The following CLDN11 variants were observed in gnomAD, a reference collection of about 807,000 sequenced individuals.
CLDN11 encodes the protein claudin 11.
A neutral mutation model predicts 18.0 loss-of-function variants in CLDN11; 1 was observed. The observed-to-expected ratio is 0.06, with a 90% CI of 0.02 to 0.26. CLDN11 has a LOEUF of 0.26. CLDN11 is among the 10% of genes least tolerant of loss of function. The probability of loss-of-function intolerance (pLI) is 1.00; values close to 1 mark genes in which losing one functional copy is unlikely to be tolerated. For missense variants in CLDN11, 172 were observed against 276.6 expected (o/e 0.62, Z 2.68); for synonymous variants, 116 against 121.5 (o/e 0.96, Z 0.30).
In CLDN11 at chr3:170,425,509, G is replaced by T. The variant is rs1159782933; in HGVS notation, c.391+2182G>T. ...AGGGATATTGAAGGAAAAAGCAACC[G>T]GTGGTTTGAAACTTCCTAGCTGAAT... On this transcript the variant is annotated intron_variant, in intron 2 of 2. Coordinates refer to ENST00000064724, the MANE Select transcript of CLDN11 (RefSeq NM_005602.6). 3.3e-5 allele frequency among the ~76,000 whole-genome samples: 5 copies of T among 152,334 alleles called. No homozygotes were observed. In the East Asian group the frequency reaches 7.7e-4, roughly 24 times the overall value.
At chr3:170,430,600 A>G (rs1011325711) in intron 2 of CLDN11, among the ~76,000 whole-genome samples, 4 of 151,676 alleles carry the variant, frequency 2.6e-5, no homozygotes, top group African/African-American at 9.7e-5. Flanking sequence ...GTGCAGTGGC[A>G]AGATCTCCGC....
chr3:170,424,617 T>A (rs1738803577), intron 2 of CLDN11, among the ~76,000 whole-genome samples: 1 of 152,230 alleles, frequency 6.6e-6, no homozygotes, highest in Admixed American at 6.5e-5. Flanking sequence ...GAACAACTCT[T>A]GTTGCAAAGT....
intron 1 of CLDN11, among the ~76,000 whole-genome samples, chr3:170,420,831 A>AG (rs1738707447): frequency 6.6e-6 from 1 of 152,146 alleles, no homozygotes; most frequent in South Asian, 2.1e-4. Context: ...AATCTGGGTG[A>AG]GGGGGGACAA....
chr3:170,433,002 A>G lies in CLDN11; in HGVS notation c.*246A>G, dbSNP rs1739040622. 2 of 414,470 alleles carry G rather than the reference A, an allele frequency of 4.8e-6. No individual in the cohort carries two copies. Among genetic ancestry groups the G allele is most frequent in the African/African-American group, 4.1e-5 (2 of 49,184 alleles). The allele number at this position is 414,470 out of a possible 1,614,324, so 25.7% of individuals were successfully genotyped here. A position where few individuals can be genotyped will look rare whatever the true frequency, so the allele number is the denominator to read the frequency against. ...TTTTTCCCTTGGTGTTGCCCCTATT[A>G]GCTCTTTTCTTGGGCATTCTTTTGC... is the stretch of plus-strand genomic sequence containing the variant. On this transcript the variant is annotated 3_prime_UTR_variant, in exon 3 of 3. Coordinates refer to ENST00000064724, the MANE Select transcript of CLDN11 (RefSeq NM_005602.6).
At position 170,419,998 on chromosome 3, in the gene CLDN11, C is replaced by A. The variant is rs1249273263; in HGVS notation, c.226+706C>A. Among the ~76,000 whole-genome samples, 4 of 152,250 alleles carry A rather than the reference C, an allele frequency of 2.6e-5. No homozygotes were observed. Among genetic ancestry groups the A allele is most frequent in the East Asian group, 1.9e-4 (1 of 5,190 alleles). On this transcript the variant is annotated intron_variant, in intron 1 of 2. Coordinates refer to ENST00000064724, the MANE Select transcript of CLDN11 (RefSeq NM_005602.6). The surrounding 1 kb of genome is among the most constrained non-coding windows in gnomAD (Gnocchi z 8.6). ...TGACGCCGGCTCCCGCTCCGCGCCG[C>A]TGGGTTGGATAGGGACGAGCGGGCG... is the stretch of plus-strand genomic sequence containing the variant.
chr3:170,429,815 T>C (rs1015553017), intron 2 of CLDN11, among the ~76,000 whole-genome samples: 1 of 152,212 alleles, frequency 6.6e-6, no homozygotes, highest in Non-Finnish European at 1.5e-5. Context: ...AGGTTAACAA[T>C]AGATGTGGGG....
rs11322219 is a variant in CLDN11 at position 170,433,130 on chromosome 3, C to CTTTTTTTTT, written c.*396_*404dup. 1 of 64,058 alleles carries CTTTTTTTTT rather than the reference C, an allele frequency of 1.6e-5. No homozygotes were observed. Among genetic ancestry groups the CTTTTTTTTT allele is most frequent in the African/African-American group, 6.6e-5 (1 of 15,048 alleles). 4.0% of individuals were successfully genotyped at this position (64,058 alleles called of 1,614,324 possible). A position where few individuals can be genotyped will look rare whatever the true frequency, so the allele number is the denominator to read the frequency against. Reference sequence around the variant, plus strand: ...GGGTGGGGAAGAGAAATACAAGATACTTTTTTTTTTTTTTTTTTTTTTTTT... The same window carrying CTTTTTTTTT: ...GGGTGGGGAAGAGAAATACAAGATACTTTTTTTTTTTTTTTTTTTTTTTTTTTTTTTTTT... On this transcript the variant is annotated 3_prime_UTR_variant, in exon 3 of 3. Transcript: ENST00000064724.
At chr3:170,428,706 C>T (rs1738924145) in intron 2 of CLDN11, among the ~76,000 whole-genome samples, 1 of 152,168 alleles carries the variant, frequency 6.6e-6, no homozygotes, top group African/African-American at 2.4e-5. Context: ...CCCCCCACCA[C>T]CTTGTGTAGT....
intron 2 of CLDN11, among the ~76,000 whole-genome samples, chr3:170,431,816 G>A (rs948337423): frequency 2.0e-5 from 3 of 152,196 alleles, no homozygotes; most frequent in Non-Finnish European, 4.4e-5. Context: ...TCCAAGGACT[G>A]TTCATTTGTG....
chr3:170,432,969 C>T lies in CLDN11; in HGVS notation c.*213C>T. ...AGAAATCTCTAGCTCAGATAATGCC[C>T]AGACATTTTTTTCCCTTGGTGTTGC... On this transcript the variant is annotated 3_prime_UTR_variant, in exon 3 of 3. Transcript: ENST00000064724. 1.8e-6 allele frequency: 1 copy of T among 555,084 alleles called. No individual in the cohort carries two copies. The highest frequency in any genetic ancestry group is 3.2e-6 in the Non-Finnish European group (1 of 311,024). The allele number at this position is 555,084 out of a possible 1,614,324, so 34.4% of individuals were successfully genotyped here. A position where few individuals can be genotyped will look rare whatever the true frequency, so the allele number is the denominator to read the frequency against.
At chr3:170,425,740 T>C (rs1738838684) in intron 2 of CLDN11, among the ~76,000 whole-genome samples, 1 of 152,200 alleles carries the variant, frequency 6.6e-6, no homozygotes, top group Non-Finnish European at 1.5e-5. Context: ...AGTCCCCTCA[T>C]TGCCCTTTTA....
intron 1 of CLDN11, among the ~76,000 whole-genome samples, chr3:170,420,199 C>A (rs552916266): frequency 6.6e-6 from 1 of 152,360 alleles, no homozygotes; most frequent in East Asian, 1.9e-4. Flanking sequence ...GCGACAGCCT[C>A]AATTCAGATT....
intron 2 of CLDN11, among the ~76,000 whole-genome samples, chr3:170,432,237 A>G (rs1166243422): frequency 6.6e-6 from 1 of 152,238 alleles, no homozygotes; most frequent in Admixed American, 6.5e-5. Context: ...ATACAAGTAA[A>G]TACAAATAAA....
At position 170,418,917 on chromosome 3, in the gene CLDN11, C is replaced by T. The variant is rs950120314; in HGVS notation, c.-150C>T. On this transcript the variant is annotated 5_prime_UTR_variant, in exon 1 of 3. Transcript: ENST00000064724. This position sits in a 1 kb window ranked among gnomAD's most constrained non-coding sequence, Gnocchi z 4.3. ...CCTTCGCCGCTGAGCTCGCAGCCTC[C>T]GGCGCCCACCTCCACCTCCAGTGTC... The T allele has an allele frequency of 1.6e-6, 1 of 612,436 alleles. No individual in the cohort carries two copies. The highest frequency in any genetic ancestry group is 2.8e-6 in the Non-Finnish European group (1 of 351,282). 37.9% of individuals were successfully genotyped at this position (612,436 alleles called of 1,614,324 possible).
At chr3:170,428,478 A>G (rs968929947) in intron 2 of CLDN11, among the ~76,000 whole-genome samples, 4 of 152,224 alleles carry the variant, frequency 2.6e-5, no homozygotes, top group Non-Finnish European at 4.4e-5. Flanking sequence ...GTGTTGCATT[A>G]TTTGAAACTT....
chr3:170,423,196 C>T lies in CLDN11; in HGVS notation c.260C>T (p.Ala87Val). The T allele has an allele frequency of 6.2e-7, 1 of 1,614,244 alleles. No individual in the cohort carries two copies. Among genetic ancestry groups the T allele is most frequent in the Non-Finnish European group, 8.5e-7 (1 of 1,180,044 alleles). The change falls in exon 2 of 3, where the codon GCT becomes GTT. Residue 87 changes from alanine to valine, a missense_variant. Coordinates refer to ENST00000064724, the MANE Select transcript of CLDN11 (RefSeq NM_005602.6). Reference sequence around the variant, plus strand: ...CAGGCCTGCCGCGCCCTGATGATTGCTGCCTCGGTCCTGGGTCTGCCGGCC... The same window carrying T: ...CAGGCCTGCCGCGCCCTGATGATTGTTGCCTCGGTCCTGGGTCTGCCGGCC... The part of the protein sequence containing the change: ...YVQACRALMI[A>V]ASVLGLPAIL...
chr3:170,432,962 T>A lies in CLDN11; in HGVS notation c.*206T>A, dbSNP rs1345995215. 1.8e-6 allele frequency: 1 copy of A among 568,552 alleles called. No individual in the cohort carries two copies. Among genetic ancestry groups the A allele is most frequent in the Non-Finnish European group, 3.1e-6 (1 of 319,080 alleles). 35.2% of individuals were successfully genotyped at this position (568,552 alleles called of 1,614,324 possible). A position where few individuals can be genotyped will look rare whatever the true frequency, so the allele number is the denominator to read the frequency against. On this transcript the variant is annotated 3_prime_UTR_variant, in exon 3 of 3. Coordinates refer to ENST00000064724, the MANE Select transcript of CLDN11 (RefSeq NM_005602.6). ...CCTTAAAAGAAATCTCTAGCTCAGA[T>A]AATGCCCAGACATTTTTTTCCCTTG...
chr3:170,432,296 G>T (rs1739019701), intron 2 of CLDN11, among the ~76,000 whole-genome samples: 1 of 152,146 alleles, frequency 6.6e-6, no homozygotes, highest in Non-Finnish European at 1.5e-5. Flanking sequence ...CACTGGAATT[G>T]TTTTGTCTCT....
intron 2 of CLDN11, among the ~76,000 whole-genome samples, chr3:170,427,123 A>G (rs897352291): frequency 2.6e-5 from 4 of 152,016 alleles, no homozygotes; most frequent in African/African-American, 7.2e-5. Flanking sequence ...TGTGAACCCA[A>G]CCTCCTCAAC....
Sources: gnomAD v4.1 joint callset for allele counts (sites outside exome capture counted in the v4.1 genomes callset) on GRCh38, gnomAD v4.1.1 for gene constraint, Gnocchi (gnomAD v3.1) non-coding constraint, MANE v1.5 for transcripts, NCBI Gene and HGNC (gene_info 2026-07-23, HGNC 2026-07-21) for gene names.